Variants in USP25 observed in about 807,000 individuals in gnomAD.
USP25 encodes the protein ubiquitin carboxyl-terminal hydrolase 25.
Under a neutral mutation model 158.5 loss-of-function variants are expected in USP25, and 85 were observed. The observed-to-expected ratio is 0.54, with a 90% CI of 0.45 to 0.64. USP25 has a LOEUF of 0.64. Ranked by LOEUF, USP25 falls within the 30% of genes least tolerant of loss-of-function variation. The pLI is 0.00. For missense variants in USP25, 1,242 were observed against 1,327.3 expected, an observed-to-expected ratio of 0.94 and a Z score of 1.00; for synonymous variants, 464 against 460.4, an observed-to-expected ratio of 1.01 and a Z score of -0.10.
intron 23 of USP25, among the ~76,000 whole-genome samples, chr21:15,872,991 A>T (rs1010566137): frequency 2.0e-5 from 3 of 152,172 alleles, no homozygotes; most frequent in African/African-American, 7.2e-5. Context: ...TTTTAAAATA[A>T]TATTTTTTAT....
intron 4 of USP25, among the ~76,000 whole-genome samples, chr21:15,785,427 G>A (rs1482989607): frequency 6.6e-6 from 1 of 152,122 alleles, no homozygotes; most frequent in Non-Finnish European, 1.5e-5. Context: ...ACTGTGCATG[G>A]AATATTCTCC....
chr21:15,852,093 A>T (rs570597766), intron 20 of USP25, among the ~76,000 whole-genome samples: 1 of 152,264 alleles, frequency 6.6e-6, no homozygotes, highest in Non-Finnish European at 1.5e-5. Flanking sequence ...AACTTCAGTG[A>T]ATCTGAGGTA....
intron 1 of USP25, among the ~76,000 whole-genome samples, chr21:15,736,207 C>T (rs961629900): frequency 6.6e-6 from 1 of 151,926 alleles, no homozygotes; most frequent in African/African-American, 2.4e-5. Context: ...AAGCAATTCT[C>T]CTGCCTCAGC....
At chr21:15,782,881 A>G (rs887551896) in intron 4 of USP25, among the ~76,000 whole-genome samples, 3 of 152,244 alleles carry the variant, frequency 2.0e-5, no homozygotes, top group African/African-American at 7.2e-5. Context: ...ACCTGGCACC[A>G]CAATGCATCT....
At position 15,730,380 on chromosome 21, in the gene USP25, C is replaced by A. The variant is rs979633697; in HGVS notation, c.-14C>A. The A allele has an allele frequency of 4.8e-6, 6 of 1,240,970 alleles. No homozygotes were observed. The highest frequency in any genetic ancestry group is 6.1e-6 in the Non-Finnish European group (6 of 989,258). The allele number at this position is 1,240,970 out of a possible 1,614,324, so 76.9% of individuals were successfully genotyped here. A position where few individuals can be genotyped will look rare whatever the true frequency, so the allele number is the denominator to read the frequency against. On this transcript the variant is annotated 5_prime_UTR_variant, in exon 1 of 26. Coordinates refer to ENST00000400183, the MANE Select transcript of USP25 (RefSeq NM_001283041.3). ...GGCGCCACCGCCGCCGCCGCCGCCG[C>A]CGCCGCGGGGGCCATGACCGTGGAG... is the stretch of plus-strand genomic sequence containing the variant.
In USP25 at chr21:15,878,599, A is replaced by C. The variant is rs758835107; in HGVS notation, c.*124A>C. 1.3e-4 allele frequency: 143 copies of C among 1,059,912 alleles called. No homozygotes were observed. The highest frequency in any genetic ancestry group is 1.7e-4 in the Non-Finnish European group (135 of 774,892). 65.7% of individuals were successfully genotyped at this position (1,059,912 alleles called of 1,614,324 possible). On this transcript the variant is annotated 3_prime_UTR_variant, in exon 26 of 26. Coordinates refer to ENST00000400183, the MANE Select transcript of USP25 (RefSeq NM_001283041.3). ...CTTTTTTTTATTTTAATAACTGCAA[A>C]AGACAAAATGACTATACAGACTTTA...
At chr21:15,856,550 CA>C in intron 20 of USP25, among the ~76,000 whole-genome samples, 1 of 152,134 alleles carries the variant, frequency 6.6e-6, no homozygotes, top group Non-Finnish European at 1.5e-5. Context: ...CGGCTCACTG[CA>C]AGCTCCGCCT....
At chr21:15,834,854 G>A (rs974860658) in intron 17 of USP25, among the ~76,000 whole-genome samples, 5 of 152,136 alleles carry the variant, frequency 3.3e-5, no homozygotes, top group Admixed American at 3.3e-4. Flanking sequence ...TTTCCCCCAC[G>A]TGTACAAGGC....
chr21:15,869,933 T>C, intron 22 of USP25, 135 bp from the exon 23 acceptor site: 3 of 538,974 alleles, frequency 5.6e-6, no homozygotes, highest in Non-Finnish European at 9.4e-6. Flanking sequence ...GTTTTAGTTC[T>C]GATGTATCTT....
chr21:15,797,807 T>A (rs2035932881), intron 5 of USP25, among the ~76,000 whole-genome samples: 1 of 151,230 alleles, frequency 6.6e-6, no homozygotes, highest in Non-Finnish European at 1.5e-5. Flanking sequence ...TAATTGTGGC[T>A]GAAAATATTA....
chr21:15,800,595 A>G (rs1389093571), intron 6 of USP25, among the ~76,000 whole-genome samples: 1 of 151,300 alleles, frequency 6.6e-6, no homozygotes, highest in Non-Finnish European at 1.5e-5. Context: ...TTTATACCTA[A>G]TGGAAAAAAT....
intron 23 of USP25, 35 bp downstream of exon 23, chr21:15,870,182 AT>A: frequency 6.7e-7 from 1 of 1,503,038 alleles, no homozygotes; most frequent in Admixed American, 1.8e-5. Context: ...AAAGAGCATA[AT>A]TTTTGCACTT....
chr21:15,833,564 T>C lies in USP25; in HGVS notation c.2194+16T>C. The C allele has an allele frequency of 6.2e-7, 1 of 1,600,180 alleles. No homozygotes were observed. The highest frequency in any genetic ancestry group is 1.3e-5 in the African/African-American group (1 of 74,282). On this transcript the variant is annotated intron_variant, in intron 17 of 25. Transcript: ENST00000400183. ...GTGACAACAGGTTTGTCCATTTTTATTAAGTTGTGTTTGATTATCAATATT... is the reference window on the plus strand; with the variant it reads ...GTGACAACAGGTTTGTCCATTTTTACTAAGTTGTGTTTGATTATCAATATT...
intron 10 of USP25, 50 bp downstream of exon 10, chr21:15,818,896 A>G: frequency 4.4e-6 from 7 of 1,587,154 alleles, no homozygotes; most frequent in Non-Finnish European, 6.0e-6. Flanking sequence ...TCTTTCTTAC[A>G]ATGCTATAGC....
At chr21:15,742,783 T>C (rs962450497) in intron 1 of USP25, among the ~76,000 whole-genome samples, 6 of 152,210 alleles carry the variant, frequency 3.9e-5, no homozygotes, top group Non-Finnish European at 7.3e-5. Flanking sequence ...TGCCCAGGCT[T>C]TGCTTACACT....
rs191668165 is a variant in USP25, at chr21:15,843,069, C to T, written c.2337+529C>T. Among the ~76,000 whole-genome samples the T allele has an allele frequency of 3.3e-5, 5 of 151,954 alleles. No homozygotes were observed. Among genetic ancestry groups the T allele is most frequent in the Middle Eastern group, 3.4e-3 (1 of 294 alleles). On this transcript the variant is annotated intron_variant, in intron 18 of 25. Transcript: ENST00000400183. This position sits in a 1 kb window ranked among gnomAD's most constrained non-coding sequence, Gnocchi z 4.0. ...AAACTGTTTGTGAATATTTTAAGAA[C>T]GTCCTGTGCAAAAACGTCATTAGGC... is the stretch of plus-strand genomic sequence containing the variant.
chr21:15,765,071 A>T (rs1327044203), intron 2 of USP25, among the ~76,000 whole-genome samples: 1 of 152,088 alleles, frequency 6.6e-6, no homozygotes, highest in Admixed American at 6.6e-5. Flanking sequence ...AAGTCATACT[A>T]TGTCATTCCT....
chr21:15,787,887 T>C (rs1245250763), intron 4 of USP25, among the ~76,000 whole-genome samples: 2 of 138,758 alleles, frequency 1.4e-5, no homozygotes. Context: ...AACAATAAAA[T>C]AATAACACCC....
intron 1 of USP25, among the ~76,000 whole-genome samples, chr21:15,740,284 C>T (rs1302837693): frequency 1.3e-5 from 2 of 152,200 alleles, no homozygotes; most frequent in African/African-American, 4.8e-5. Flanking sequence ...AATTAGTATT[C>T]TTAAAGGTAA....
Sources: allele counts gnomAD v4.1 joint callset (sites outside exome capture counted in the v4.1 genomes callset), GRCh38; gene constraint gnomAD v4.1.1; non-coding constraint Gnocchi (gnomAD v3.1); transcripts MANE v1.5; gene names NCBI Gene and HGNC (gene_info 2026-07-23, HGNC 2026-07-21).